The following ZSWIM6 variants were observed in gnomAD, a reference collection of about 807,000 sequenced individuals.
ZSWIM6 encodes zinc finger SWIM domain-containing protein 6.
ZSWIM6 carries 9 observed loss-of-function variants against 113.2 expected under a neutral mutation model. The ratio of observed to expected loss-of-function variants is 0.08; its 90% confidence interval spans 0.05 to 0.14. The LOEUF (loss-of-function observed/expected upper bound fraction) is 0.14. Ranked by LOEUF, ZSWIM6 falls within the 10% of genes least tolerant of loss-of-function variation. The pLI is 1.00. For missense variants in ZSWIM6, 1,162 were observed against 1,552.2 expected, an observed-to-expected ratio of 0.75 and a Z score of 4.22; for synonymous variants, 611 against 606.5, an observed-to-expected ratio of 1.01 and a Z score of -0.11.
chr5:61,350,308 A>C (rs932895114), intron 1 of ZSWIM6, among the ~76,000 whole-genome samples: 1 of 152,208 alleles, frequency 6.6e-6, no homozygotes, highest in African/African-American at 2.4e-5. Flanking sequence ...GGAAGAGGGC[A>C]AGATATAAAT....
rs1237501407 is a variant in ZSWIM6, at chr5:61,479,170, C to CA, written c.1033+6146dup. Among the ~76,000 whole-genome samples the CA allele has an allele frequency of 7.3e-3, 839 of 115,508 alleles. 3 individuals are homozygous for CA. The highest frequency in any genetic ancestry group is 0.021 in the African/African-American group (656 of 31,104). The allele number at this position is 115,508 out of a possible 152,430, so 75.8% of individuals were successfully genotyped here. ...TGGGTGACAGAGCAGGACTCTGTCT[C>CA]AAAAAAAAAAAAAGTGTTTTAAAAA... On this transcript the variant is annotated intron_variant, in intron 2 of 13. Coordinates refer to ENST00000252744, the MANE Select transcript of ZSWIM6 (RefSeq NM_020928.2).
At chr5:61,374,486 C>T (rs1745327054) in intron 1 of ZSWIM6, among the ~76,000 whole-genome samples, 1 of 152,164 alleles carries the variant, frequency 6.6e-6, no homozygotes, top group South Asian at 2.1e-4. Context: ...AATATGAATG[C>T]TCTAGTTGAG....
chr5:61,527,197 A>G (rs1352784332), intron 7 of ZSWIM6, among the ~76,000 whole-genome samples: 6 of 152,306 alleles, frequency 3.9e-5, no homozygotes, highest in East Asian at 1.9e-4. Context: ...AAAGAAATGT[A>G]TATGCTTTTT....
intron 1 of ZSWIM6, chr5:61,390,615 C>A: frequency 1.5e-6 from 1 of 653,166 alleles, no homozygotes; most frequent in Non-Finnish European, 2.8e-6. Flanking sequence ...TTTTTTTTTT[C>A]CAGTGGAAAA....
chr5:61,459,932 G>A (rs1005358341), intron 1 of ZSWIM6, among the ~76,000 whole-genome samples: 5 of 152,206 alleles, frequency 3.3e-5, no homozygotes, highest in Non-Finnish European at 7.3e-5. Flanking sequence ...AGCCATGTGA[G>A]TCAAGAGTGT....
chr5:61,381,618 A>G (rs954221187), intron 1 of ZSWIM6, among the ~76,000 whole-genome samples: 22 of 152,210 alleles, frequency 1.4e-4, no homozygotes, highest in South Asian at 2.1e-4. Context: ...GTTCTGTGAC[A>G]TGTGGCTACT....
intron 4 of ZSWIM6, among the ~76,000 whole-genome samples, chr5:61,514,265 T>C (rs1748871925): frequency 1.3e-5 from 2 of 151,726 alleles, no homozygotes; most frequent in African/African-American, 4.8e-5. Flanking sequence ...TTTTGTTTGA[T>C]TTAAGTGTTT....
chr5:61,393,978 A>G (rs557617943), intron 1 of ZSWIM6, among the ~76,000 whole-genome samples: 7 of 152,266 alleles, frequency 4.6e-5, no homozygotes, highest in African/African-American at 1.7e-4. Context: ...AAGTATATGG[A>G]ATGTTCTAGT....
At chr5:61,441,787 T>C (rs1427792438) in intron 1 of ZSWIM6, among the ~76,000 whole-genome samples, 1 of 152,180 alleles carries the variant, frequency 6.6e-6, no homozygotes, top group African/African-American at 2.4e-5. Context: ...AGCGAACTTA[T>C]CTGTTTGACT....
chr5:61,415,928 A>G (rs1005842332), intron 1 of ZSWIM6, among the ~76,000 whole-genome samples: 5 of 152,228 alleles, frequency 3.3e-5, no homozygotes, highest in African/African-American at 4.8e-5. Flanking sequence ...ATGAAAGGTA[A>G]TGGGAGCTTA....
intron 2 of ZSWIM6, among the ~76,000 whole-genome samples, chr5:61,482,819 A>G (rs1747910979): frequency 6.6e-6 from 1 of 152,094 alleles, no homozygotes; most frequent in Non-Finnish European, 1.5e-5. Flanking sequence ...ATTTGCTGGA[A>G]AATGCATAGT....
At chr5:61,540,204 ACT>A (rs1749690402) in intron 12 of ZSWIM6, among the ~76,000 whole-genome samples, 1 of 152,170 alleles carries the variant, frequency 6.6e-6, no homozygotes, top group African/African-American at 2.4e-5. Flanking sequence ...CCTTTTAATA[ACT>A]CTGAGAAAAA....
At chr5:61,434,689 G>T (rs1158654747) in intron 1 of ZSWIM6, among the ~76,000 whole-genome samples, 1 of 152,090 alleles carries the variant, frequency 6.6e-6, no homozygotes, top group South Asian at 2.1e-4. Flanking sequence ...TCCACTTGTT[G>T]GTTGATGGGC....
intron 1 of ZSWIM6, among the ~76,000 whole-genome samples, chr5:61,425,804 C>T (rs1284534754): frequency 6.6e-6 from 1 of 152,142 alleles, no homozygotes; most frequent in South Asian, 2.1e-4. Flanking sequence ...ATCAGAATGA[C>T]AGGAATGTTG....
intron 10 of ZSWIM6, 121 bp from the exon 11 acceptor site, chr5:61,538,693 C>A: frequency 8.8e-7 from 1 of 1,134,644 alleles, no homozygotes; most frequent in Non-Finnish European, 1.2e-6. Context: ...CCAGCCCTTG[C>A]TGAACTTGAG....
intron 1 of ZSWIM6, among the ~76,000 whole-genome samples, chr5:61,374,773 T>C (rs1745335033): frequency 6.6e-6 from 1 of 152,098 alleles, no homozygotes; most frequent in African/African-American, 2.4e-5. Flanking sequence ...GCCAGGATGG[T>C]CTCAATCTCC....
At chr5:61,442,665 A>T (rs1746865330) in intron 1 of ZSWIM6, among the ~76,000 whole-genome samples, 1 of 152,220 alleles carries the variant, frequency 6.6e-6, no homozygotes, top group Non-Finnish European at 1.5e-5. Flanking sequence ...TCACAAGGCC[A>T]TTTCAGTCAA....
chr5:61,477,631 C>T (rs772170599), intron 2 of ZSWIM6, among the ~76,000 whole-genome samples: 3 of 152,212 alleles, frequency 2.0e-5, no homozygotes, highest in Non-Finnish European at 4.4e-5. Context: ...CCTCTGAGTG[C>T]CTTTGTGTCC....
At chr5:61,363,234 G>T (rs1043965539) in intron 1 of ZSWIM6, among the ~76,000 whole-genome samples, 6 of 152,220 alleles carry the variant, frequency 3.9e-5, no homozygotes, top group African/African-American at 1.4e-4. Context: ...CAGGCTAACA[G>T]CACCAGTTTA....
Sources: allele counts gnomAD v4.1 joint callset (sites outside exome capture counted in the v4.1 genomes callset), GRCh38; gene constraint gnomAD v4.1.1; transcripts MANE v1.5; gene names NCBI Gene and HGNC (gene_info 2026-07-23, HGNC 2026-07-21).